The following TMPRSS13 variants were observed in gnomAD, a reference collection of about 807,000 sequenced individuals.
TMPRSS13 encodes transmembrane protease serine 13.
A neutral mutation model predicts 68.4 loss-of-function variants in TMPRSS13; 50 were observed. The ratio of observed to expected loss-of-function variants is 0.73; its 90% CI spans 0.58 to 0.93. The LOEUF is 0.93. TMPRSS13 is among the 40% of genes least tolerant of loss of function. The pLI, the probability that TMPRSS13 is intolerant of heterozygous loss-of-function variation, is 0.00. For synonymous variants in TMPRSS13, 267 were observed against 285.8 expected, an observed-to-expected ratio of 0.93 and a Z score of 0.66; for missense variants, 615 against 729.2, an observed-to-expected ratio of 0.84 and a Z score of 1.80.
At chr11:117,925,003 G>A (rs1036576230) in intron 1 of TMPRSS13, among the ~76,000 whole-genome samples, 5 of 152,174 alleles carry the variant, frequency 3.3e-5, no homozygotes, top group African/African-American at 7.2e-5. Context: ...CTCCTAGGCC[G>A]CCGTGTGACC....
intron 8 of TMPRSS13, 78 bp from the exon 9 acceptor site, chr11:117,908,862 C>T: frequency 7.1e-6 from 10 of 1,401,820 alleles, no homozygotes; most frequent in Non-Finnish European, 9.6e-6. Context: ...CTACAGGGAG[C>T]CACAGTCAGA....
chr11:117,919,347 A>G (rs1001048517), intron 1 of TMPRSS13, among the ~76,000 whole-genome samples: 16 of 152,260 alleles, frequency 1.1e-4, no homozygotes, highest in Admixed American at 1.0e-3. Context: ...GTTAAGCACT[A>G]GTTAAGAAAA....
intron 1 of TMPRSS13, among the ~76,000 whole-genome samples, chr11:117,927,207 A>T (rs1456748839): frequency 1.3e-5 from 2 of 152,146 alleles, no homozygotes; most frequent in Non-Finnish European, 2.9e-5. Context: ...TCTGTCCATA[A>T]ATCCTCTCCG....
At chr11:117,924,806 G>A (rs12272568) in intron 1 of TMPRSS13, among the ~76,000 whole-genome samples, 6,460 of 152,074 alleles carry the variant, frequency 0.042, 452 homozygotes, top group African/African-American at 0.15. Context: ...CACAAATACA[G>A]GCTCTCCTCA....
intron 9 of TMPRSS13, 37 bp from the exon 10 acceptor site, chr11:117,905,773 G>T: frequency 6.6e-7 from 1 of 1,520,292 alleles, no homozygotes; most frequent in South Asian, 1.2e-5. Flanking sequence ...GAAGGAACAA[G>T]GCTGAGACTT....
At chr11:117,906,228 A>C (rs1204898515) in intron 9 of TMPRSS13, among the ~76,000 whole-genome samples, 3 of 152,206 alleles carry the variant, frequency 2.0e-5, no homozygotes, top group Admixed American at 6.5e-5. Context: ...TCTCCTTTTA[A>C]ATGTTTTCCC....
rs3839951 is a variant in TMPRSS13, at chr11:117,901,974, A to AG, written c.*264_*265insC. On this transcript the variant is annotated 3_prime_UTR_variant, in exon 13 of 13. Coordinates refer to ENST00000524993, the MANE Select transcript of TMPRSS13 (RefSeq NM_001077263.3). ...CCTGTAGGAACATCCACGGTACTCA[A>AG]CTCTTGTCTCCAGGTAATTTCCAGC... The AG allele has an allele frequency of 0.15, 86,383 of 562,806 alleles. 7,569 individuals are homozygous for AG. The highest frequency in any genetic ancestry group is 0.26 in the African/African-American group (13,870 of 52,896). The allele number at this position is 562,806 out of a possible 1,614,324, so 34.9% of individuals were successfully genotyped here.
intron 1 of TMPRSS13, among the ~76,000 whole-genome samples, chr11:117,919,421 G>A (rs1266391140): frequency 6.6e-6 from 1 of 152,274 alleles, no homozygotes; most frequent in Admixed American, 6.5e-5. Flanking sequence ...GAAAAAGAAT[G>A]CTGGACAAAG....
intron 3 of TMPRSS13, among the ~76,000 whole-genome samples, chr11:117,916,889 C>G (rs149811677): frequency 5.8e-4 from 88 of 152,278 alleles, no homozygotes; most frequent in Non-Finnish European, 1.1e-3. Flanking sequence ...AAACTGAGCT[C>G]AGGGTGGTTA....
chr11:117,924,967 G>A (rs1418605904), intron 1 of TMPRSS13, among the ~76,000 whole-genome samples: 2 of 152,204 alleles, frequency 1.3e-5, no homozygotes, highest in African/African-American at 4.8e-5. Context: ...CCCTGGGGGT[G>A]GGGGGCACGG....
intron 1 of TMPRSS13, among the ~76,000 whole-genome samples, chr11:117,924,889 A>G (rs2057689239): frequency 6.6e-6 from 1 of 152,106 alleles, no homozygotes; most frequent in African/African-American, 2.4e-5. Flanking sequence ...TATACAGCTC[A>G]GGGACTTGGG....
In TMPRSS13 at chr11:117,914,812, C is replaced by T. The variant is rs2057559661; in HGVS notation, c.557-298G>A. Reference sequence around the variant, plus strand: ...GAGATGGGGACCACCTTGGGAACTCCCCTCCCTACATGCTGGCCAACATAG... The same window carrying T: ...GAGATGGGGACCACCTTGGGAACTCTCCTCCCTACATGCTGGCCAACATAG... On this transcript the variant is annotated intron_variant, in intron 3 of 12. Coordinates refer to ENST00000524993, the MANE Select transcript of TMPRSS13 (RefSeq NM_001077263.3). This position sits in a 1 kb window ranked among gnomAD's most constrained non-coding sequence, Gnocchi z 4.2. Among the ~76,000 whole-genome samples, 1 of 152,048 alleles carries T rather than the reference C, an allele frequency of 6.6e-6. No individual in the cohort carries two copies. The highest frequency in any genetic ancestry group is 1.5e-5 in the Non-Finnish European group (1 of 68,006).
In TMPRSS13 at chr11:117,905,816, T is replaced by C. The variant is rs1591616690; in HGVS notation, c.1283-80A>G. Reference sequence around the variant, plus strand: ...GGGGAGGGAGAAGGAGCACAACCACTCTGGGGGCAAGGAGGGGTCTCCTAG... The same window carrying C: ...GGGGAGGGAGAAGGAGCACAACCACCCTGGGGGCAAGGAGGGGTCTCCTAG... On this transcript the variant is annotated intron_variant, in intron 9 of 12. Coordinates refer to ENST00000524993, the MANE Select transcript of TMPRSS13 (RefSeq NM_001077263.3). The C allele has an allele frequency of 2.8e-6, 3 of 1,088,868 alleles. No individual in the cohort carries two copies. In the African/African-American group the frequency reaches 4.7e-5, roughly 17 times the overall value. 67.5% of individuals were successfully genotyped at this position (1,088,868 alleles called of 1,614,324 possible). A position where few individuals can be genotyped will look rare whatever the true frequency, so the allele number is the denominator to read the frequency against.
chr11:117,903,845 G>A (rs3809041), intron 11 of TMPRSS13, 38 bp from the exon 12 acceptor site: 4 of 1,602,746 alleles, frequency 2.5e-6, no homozygotes, highest in Non-Finnish European at 1.7e-6. Context: ...GGATGGGACA[G>A]GTGGTCCATG....
At position 117,904,092 on chromosome 11, in the gene TMPRSS13, G is replaced by A. The variant is rs955190612; in HGVS notation, c.1391C>T (p.Ser464Phe). The change falls in exon 11 of 13, where the codon TCC (serine) becomes TTC (phenylalanine). Residue 464 changes from serine (S) to phenylalanine (F), a missense_variant. By Grantham distance (155) the Ser-to-Phe change is radical (BLOSUM62 -2). Coordinates refer to ENST00000524993, the MANE Select transcript of TMPRSS13 (RefSeq NM_001077263.3). ...GKTRETDDKT[S>F]PFLREVQVNL... Reference sequence around the variant, plus strand: ...GACCTGCACCTCCCGGAGGAAGGGGGATGTCTTGTCTTCAGTGAAGTGGGG... The same window carrying A: ...GACCTGCACCTCCCGGAGGAAGGGGAATGTCTTGTCTTCAGTGAAGTGGGG... 5 of 1,613,838 alleles carry A rather than the reference G, an allele frequency of 3.1e-6. No homozygotes were observed. Among genetic ancestry groups the A allele is most frequent in the Non-Finnish European group, 4.2e-6 (5 of 1,179,898 alleles).
Position 117,914,587 on chromosome 11 carries a change from C to A in TMPRSS13, c.557-73G>T. The stretch of plus-strand genomic sequence containing the variant: ...ATGAGACACTGAGCAGCCCAAGGAC[C>A]TGGGGGTTCTGAGACACCGACCTGC... On this transcript the variant is annotated intron_variant, in intron 3 of 12. Coordinates refer to ENST00000524993, the MANE Select transcript of TMPRSS13 (RefSeq NM_001077263.3). The surrounding 1 kb of genome is among the most constrained non-coding windows in gnomAD (Gnocchi z 4.2). 1 of 1,591,648 alleles carries A rather than the reference C, an allele frequency of 6.3e-7. No individual in the cohort carries two copies. The highest frequency in any genetic ancestry group is 8.5e-7 in the Non-Finnish European group (1 of 1,171,914).
intron 9 of TMPRSS13, among the ~76,000 whole-genome samples, chr11:117,907,254 A>G (rs2057472238): frequency 6.6e-6 from 1 of 152,086 alleles, no homozygotes; most frequent in Non-Finnish European, 1.5e-5. Flanking sequence ...GGTAGCGGGC[A>G]TCCCTCACCT....
At chr11:117,908,113 G>C in intron 9 of TMPRSS13, 19 of 1,045,018 alleles carry the variant, frequency 1.8e-5, no homozygotes, top group Non-Finnish European at 2.0e-5. Flanking sequence ...CACTGCTTGG[G>C]AATCAGATCG....
chr11:117,903,803 T>A lies in TMPRSS13; in HGVS notation c.1529A>T (p.Asp510Val). The change falls in exon 12 of 13, where the codon GAC (aspartate) becomes GTC (valine). Residue 510 changes from aspartate to valine, a missense_variant. Coordinates refer to ENST00000524993, the MANE Select transcript of TMPRSS13 (RefSeq NM_001077263.3). ...CTCACAGACAAGAGGCCCCCCGCTG[T>A]CTCCCTGCAGGGGAGAGGGGGCACA... ...LRGGRDSCQG[D>V]SGGPLVCEQN... 1 of 1,610,066 alleles carries A rather than the reference T, an allele frequency of 6.2e-7. No homozygotes were observed.
Sources: allele counts gnomAD v4.1 joint callset (sites outside exome capture counted in the v4.1 genomes callset), GRCh38; gene constraint gnomAD v4.1.1; non-coding constraint Gnocchi (gnomAD v3.1); transcripts MANE v1.5; gene names NCBI Gene and HGNC (gene_info 2026-07-23, HGNC 2026-07-21).